SEC16B: variants seen among roughly 807,000 people sequenced by gnomAD.
SEC16B encodes SEC16 homolog B, endoplasmic reticulum export factor.
In SEC16B, 115 loss-of-function variants were observed where a neutral mutation model predicts 141.8. The observed-to-expected ratio is 0.81, with a 90% confidence interval of 0.70 to 0.95. SEC16B has a LOEUF of 0.95. Among genes scored for constraint, SEC16B ranks in the 40% least tolerant of loss-of-function variants. SEC16B has a pLI of 0.00. For synonymous variants in SEC16B, 493 were observed against 492.5 expected (o/e 1.00, Z -0.01); for missense variants, 1,291 against 1,312.3 (o/e 0.98, Z 0.25).
At chr1:177,966,280 T>C (rs1256533856) in intron 2 of SEC16B, among the ~76,000 whole-genome samples, 5 of 152,216 alleles carry the variant, frequency 3.3e-5, no homozygotes, top group African/African-American at 1.2e-4. Context: ...AACTCTTTTA[T>C]TTTGTAGTAA....
At chr1:177,931,435 G>A (rs774241407) in intron 24 of SEC16B, among the ~76,000 whole-genome samples, 1 of 152,100 alleles carries the variant, frequency 6.6e-6, no homozygotes, top group Non-Finnish European at 1.5e-5. Flanking sequence ...GGTGGGAGGA[G>A]GGTCAGGGAT....
Position 177,951,968 on chromosome 1 carries a change from G to T in SEC16B, c.1491C>A (p.Asp497Glu). 1 of 1,606,248 alleles carries T rather than the reference G, an allele frequency of 6.2e-7. No individual in the cohort carries two copies. Residue 497 changes from aspartate to glutamate, a missense_variant, in exon 12 of 26, where the codon GAC becomes GAA. By Grantham distance (45) the Asp-to-Glu change is conservative. Transcript: ENST00000308284. ...TGAGCTGGAAGAGGGTCTGCAGTGG[G>T]TCATTGAGCGCCAGCGTGCTGGTGA... ...SGFTSTLALN[D>E]PLQTLFQLMS...
rs570173158 is a variant in SEC16B at position 177,980,859 on chromosome 1, G to A, written c.-59+3347C>T. 7.9e-5 allele frequency among the ~76,000 whole-genome samples: 12 copies of A among 152,242 alleles called. No individual in the cohort carries two copies. The South Asian group carries it at 8.3e-4, about 11-fold the overall frequency. On this transcript the variant is annotated intron_variant and NMD_transcript_variant, in intron 1 of 24. Coordinates refer to the SEC16B transcript ENST00000528461. ...TGCATTATCCTGGAAAGAGAGAAAG[G>A]AGAGCAAGAGAGGATGTGTTCTGGG... is the stretch of plus-strand genomic sequence containing the variant.
chr1:177,966,998 C>T (rs756108056), intron 2 of SEC16B, among the ~76,000 whole-genome samples: 7 of 152,266 alleles, frequency 4.6e-5, no homozygotes, highest in South Asian at 2.1e-4. Context: ...AGAACATAGA[C>T]GGCTTCCAAC....
At chr1:177,974,979 G>T (rs541776918), upstream of SEC16B, among the ~76,000 whole-genome samples, 6 of 152,338 alleles carry the variant, frequency 3.9e-5, no homozygotes, top group South Asian at 1.2e-3. Flanking sequence ...GATGGGCACA[G>T]GTGGAGATAA....
In SEC16B at chr1:177,960,528, C is replaced by A; in HGVS notation, c.937-125G>T. The A allele has an allele frequency of 5.3e-6, 4 of 758,932 alleles. No individual in the cohort carries two copies. In the Admixed American group the frequency reaches 8.2e-5, roughly 16 times the overall value. The allele number at this position is 758,932 out of a possible 1,614,324, so 47.0% of individuals were successfully genotyped here. A position where few individuals can be genotyped will look rare whatever the true frequency, so the allele number is the denominator to read the frequency against. On this transcript the variant is annotated intron_variant, in intron 7 of 25. Transcript: ENST00000308284. ...ATGGCTCAAGGCCTTGTGGAGAAAG[C>A]AGAAAGAAAAAAGTGAATTTTGTTG...
intron 14 of SEC16B, 98 bp from the exon 15 acceptor site, chr1:177,944,764 G>A (rs979483633): frequency 1.6e-5 from 16 of 984,564 alleles, no homozygotes; most frequent in East Asian, 2.4e-5. Context: ...CCTTTCATGG[G>A]GGAGTTTCCA....
intron 25 of SEC16B, among the ~76,000 whole-genome samples, chr1:177,930,214 C>T (rs566249831): frequency 6.6e-6 from 1 of 152,308 alleles, no homozygotes; most frequent in South Asian, 2.1e-4. Flanking sequence ...ATGATCCCTT[C>T]ATCCCCAGGA....
intron 1 of SEC16B, among the ~76,000 whole-genome samples, chr1:177,975,759 G>A (rs1654145770): frequency 6.6e-6 from 1 of 152,182 alleles, no homozygotes; most frequent in Non-Finnish European, 1.5e-5. Context: ...GAATCAGGGA[G>A]TGACGGTTTA....
chr1:177,942,995 C>T (rs770733412), intron 15 of SEC16B, among the ~76,000 whole-genome samples: 1 of 152,096 alleles, frequency 6.6e-6, no homozygotes, highest in Non-Finnish European at 1.5e-5. Flanking sequence ...AGATGAGGGC[C>T]GATAGCATGT....
At chr1:177,972,464 C>T (rs963968061), upstream of SEC16B, among the ~76,000 whole-genome samples, 6 of 152,068 alleles carry the variant, frequency 3.9e-5, no homozygotes, top group Non-Finnish European at 8.8e-5. Context: ...TGAGTCTTGC[C>T]ACCCCAAGTC....
chr1:177,979,501 C>T lies in SEC16B; in HGVS notation c.-59+4705G>A, dbSNP rs190887368. ...AGTGGCTGCAAATATAGCAAAGCTC[C>T]CCAGCAGTGCTGTTCTAATGCTAAA... On this transcript the variant is annotated intron_variant and NMD_transcript_variant, in intron 1 of 24. Coordinates refer to the SEC16B transcript ENST00000528461. Among the ~76,000 whole-genome samples the T allele has an allele frequency of 9.0e-4, 137 of 152,294 alleles. 1 individual carries two copies. The highest frequency in any genetic ancestry group is 3.1e-3 in the African/African-American group (130 of 41,554).
intron 12 of SEC16B, among the ~76,000 whole-genome samples, chr1:177,950,598 T>C (rs932193733): frequency 2.0e-5 from 3 of 152,056 alleles, no homozygotes; most frequent in Admixed American, 2.0e-4. Context: ...ACTACAAAAA[T>C]GTTACCACAA....
chr1:177,945,429 A>G (rs1473097752), intron 14 of SEC16B: 1 of 152,248 alleles, frequency 6.6e-6, no homozygotes, highest in Non-Finnish European at 1.5e-5. Flanking sequence ...ATACACACTT[A>G]TTGTACATTT....
intron 1 of SEC16B, among the ~76,000 whole-genome samples, chr1:177,982,917 G>A (rs1466493806): frequency 6.6e-6 from 1 of 152,160 alleles, no homozygotes. Context: ...AGATGAGTCT[G>A]TGTGGAATTG....
At chr1:177,938,663 T>C (rs1651044770) in intron 18 of SEC16B, among the ~76,000 whole-genome samples, 2 of 152,202 alleles carry the variant, frequency 1.3e-5, no homozygotes, top group Admixed American at 1.3e-4. Flanking sequence ...CCTGAGCCTC[T>C]AGCCAGTGGG....
intron 17 of SEC16B, 100 bp from the exon 18 acceptor site, chr1:177,939,877 G>T: frequency 1.0e-6 from 1 of 974,790 alleles, no homozygotes; most frequent in Non-Finnish European, 1.5e-6. Flanking sequence ...GAAACTTCCA[G>T]TGGGAAAGAC....
intron 8 of SEC16B, 25 bp from the exon 9 acceptor site, chr1:177,959,000 A>G: frequency 6.2e-7 from 1 of 1,605,700 alleles, no homozygotes; most frequent in Non-Finnish European, 8.5e-7. Context: ...TTTAGGGAGC[A>G]AAGAGTGAGC....
chr1:177,983,113 TAAGGTA>T lies in SEC16B; in HGVS notation c.-59+1087_-59+1092del, dbSNP rs563130447. The stretch of plus-strand genomic sequence containing the variant: ...CCTGTCCCCGAATTGGATGTGGAGC[TAAGGTA>T]ATGCTGTGTGAGAAGCTGTTCAGCA... On this transcript the variant is annotated intron_variant and NMD_transcript_variant, in intron 1 of 24. Transcript: ENST00000528461. Among the ~76,000 whole-genome samples the T allele has an allele frequency of 9.2e-5, 14 of 152,298 alleles. No homozygotes were observed. In the East Asian group the frequency reaches 2.7e-3, roughly 29 times the overall value.
Sources: gnomAD v4.1 joint callset for allele counts (sites outside exome capture counted in the v4.1 genomes callset) on GRCh38, gnomAD v4.1.1 for gene constraint, MANE v1.5 for transcripts, NCBI Gene and HGNC (gene_info 2026-07-23, HGNC 2026-07-21) for gene names.